MYO18A: variants seen among roughly 807,000 people sequenced by gnomAD.
MYO18A encodes the protein unconventional myosin-XVIIIa.
Under a neutral mutation model 235.8 loss-of-function variants are expected in MYO18A, and 78 were observed. The observed-to-expected ratio is 0.33, with a 90% CI of 0.28 to 0.40. The LOEUF (loss-of-function observed/expected upper bound fraction) is 0.40. MYO18A is among the 10% of genes least tolerant of loss of function. The probability of loss-of-function intolerance (pLI) is 1.00; values close to 1 mark genes in which losing one functional copy is unlikely to be tolerated. For missense variants in MYO18A, 2,215 were observed against 2,699.3 expected, an observed-to-expected ratio of 0.82 and a Z score of 3.98; for synonymous variants, 977 against 1,077.8, an observed-to-expected ratio of 0.91 and a Z score of 1.83.
At position 29,180,279 on chromosome 17, in the gene MYO18A, C is replaced by T. The variant is rs2068622170; in HGVS notation, c.-82+34G>A. ...CGCCGCCCCACCAAGCCGGGCCCGC[C>T]ACCGAGCGGCCGCCGCCGCCGACCG... On this transcript the variant is annotated intron_variant, in intron 1 of 41. Coordinates refer to ENST00000527372, the MANE Select transcript of MYO18A (RefSeq NM_078471.4). This position sits in a 1 kb window ranked among gnomAD's most constrained non-coding sequence, Gnocchi z 6.1. 1 of 150,390 alleles carries T rather than the reference C, an allele frequency of 6.6e-6. No individual in the cohort carries two copies. Among genetic ancestry groups the T allele is most frequent in the African/African-American group, 2.4e-5 (1 of 41,154 alleles). 9.3% of individuals were successfully genotyped at this position (150,390 alleles called of 1,614,324 possible).
At chr17:29,092,499 T>C (rs1479368283) in intron 33 of MYO18A, 43 bp from the exon 34 acceptor site, 1 of 1,505,522 alleles carries the variant, frequency 6.6e-7, no homozygotes, top group African/African-American at 1.4e-5. Context: ...ATGTCAGCCA[T>C]TCCTTGGGGG....
At chr17:29,083,465 A>G (rs1425007457) in intron 40 of MYO18A, among the ~76,000 whole-genome samples, 1 of 149,490 alleles carries the variant, frequency 6.7e-6, no homozygotes, top group African/African-American at 2.5e-5. Flanking sequence ...CTGTGTCAAG[A>G]GGAATGGCTC....
intron 2 of MYO18A, among the ~76,000 whole-genome samples, chr17:29,156,173 T>C (rs1411532830): frequency 6.6e-6 from 1 of 152,178 alleles, no homozygotes; most frequent in Non-Finnish European, 1.5e-5. Flanking sequence ...CATTCCAGTA[T>C]GAAGGCAGTT....
rs921065354 is a variant in MYO18A, at chr17:29,125,774, C to T, written c.1000-3521G>A. 4 of 326,814 alleles carry T rather than the reference C, an allele frequency of 1.2e-5. No homozygotes were observed. The highest frequency in any genetic ancestry group is 1.8e-5 in the Non-Finnish European group (4 of 226,930). 20.2% of individuals were successfully genotyped at this position (326,814 alleles called of 1,614,324 possible). On this transcript the variant is annotated intron_variant, in intron 2 of 41. Transcript: ENST00000527372. The surrounding 1 kb of genome is among the most constrained non-coding windows in gnomAD (Gnocchi z 5.1). ...AGAGAGAGCCCAACATGAGGGCCCACAGGCCGCCATGGAGCCATCTTCATG... is the reference window on the plus strand; with the variant it reads ...AGAGAGAGCCCAACATGAGGGCCCATAGGCCGCCATGGAGCCATCTTCATG...
intron 1 of MYO18A, among the ~76,000 whole-genome samples, chr17:29,175,006 T>C (rs772497176): frequency 5.9e-5 from 9 of 152,252 alleles, no homozygotes; most frequent in Non-Finnish European, 8.8e-5. Context: ...ATATATTACA[T>C]GTACGTTGTG....
intron 3 of MYO18A, 81 bp downstream of exon 3, chr17:29,122,085 C>T: frequency 6.5e-7 from 1 of 1,527,572 alleles, no homozygotes; most frequent in East Asian, 2.3e-5. Context: ...TCAGCCCTCA[C>T]CAGATGCAGA....
chr17:29,162,604 G>A (rs2068197461), intron 2 of MYO18A, among the ~76,000 whole-genome samples: 1 of 152,174 alleles, frequency 6.6e-6, no homozygotes, highest in African/African-American at 2.4e-5. Context: ...GCTTCTCAGA[G>A]GGTACTGTCA....
chr17:29,088,035 TG>T (rs1177856394), intron 37 of MYO18A, among the ~76,000 whole-genome samples: 2 of 146,980 alleles, frequency 1.4e-5, no homozygotes, highest in African/African-American at 5.0e-5. Flanking sequence ...GGGGTTGGGG[TG>T]GGCAGAAAAT....
intron 2 of MYO18A, among the ~76,000 whole-genome samples, chr17:29,134,671 C>T (rs565468815): frequency 6.6e-5 from 10 of 152,156 alleles, no homozygotes; most frequent in African/African-American, 2.4e-4. Flanking sequence ...TACAGGCGCC[C>T]GCTACCACGC....
Position 29,071,670 on chromosome 17 carries a change from G to T in MYO18A, c.*3100C>A, listed in dbSNP as rs1343714602. 1 of 152,346 alleles carries T rather than the reference G, an allele frequency of 6.6e-6. No individual in the cohort carries two copies. Among genetic ancestry groups the T allele is most frequent in the East Asian group, 1.9e-4 (1 of 5,180 alleles). 9.4% of individuals were successfully genotyped at this position (152,346 alleles called of 1,614,324 possible). A position where few individuals can be genotyped will look rare whatever the true frequency, so the allele number is the denominator to read the frequency against. On this transcript the variant is annotated 3_prime_UTR_variant, in exon 42 of 42. Coordinates refer to ENST00000527372, the MANE Select transcript of MYO18A (RefSeq NM_078471.4). ...CTTTCCCAATCCTCCCCGCCAAAGA[G>T]AGCATCTCCCTCCATAGTATGTCCA... is the stretch of plus-strand genomic sequence containing the variant.
rs748437898 is a variant in MYO18A at position 29,095,033 on chromosome 17, T to C, written c.4412A>G (p.His1471Arg). The C allele has an allele frequency of 1.0e-5, 16 of 1,566,636 alleles. No homozygotes were observed. In the East Asian group the frequency reaches 2.6e-4, roughly 25 times the overall value. Reference protein sequence around the residue: ...RRFDSELSQAHEEAQREKLQR... With the variant: ...RRFDSELSQAREEAQREKLQR... ...CAGCTTCTCCCGCTGGGCCTCCTCA[T>C]GCGCCTGCGAGAGCTCACTGTCAAA... Residue 1471 changes from histidine (H) to arginine (R), a missense_variant, in exon 29 of 42, where the codon CAT becomes CGT. His to Arg is a conservative substitution (Grantham distance 29). Transcript: ENST00000527372.
In MYO18A at chr17:29,106,896, G is replaced by A. The variant is rs1282033651; in HGVS notation, c.3441+184C>T. 6.6e-6 allele frequency among the ~76,000 whole-genome samples: 1 copy of A among 152,332 alleles called. No individual in the cohort carries two copies. The highest frequency in any genetic ancestry group is 2.1e-4 in the South Asian group (1 of 4,830). Reference sequence around the variant, plus strand: ...CACCCCCAGCTCAGGCCTCCAAGGAGGGGGTGGCTCTTCTCCAGCTCCTAT... The same window carrying A: ...CACCCCCAGCTCAGGCCTCCAAGGAAGGGGTGGCTCTTCTCCAGCTCCTAT... On this transcript the variant is annotated intron_variant, in intron 20 of 41. Transcript: ENST00000527372. The surrounding 1 kb of genome is among the most constrained non-coding windows in gnomAD (Gnocchi z 4.6).
chr17:29,094,187 C>T (rs914767553), intron 30 of MYO18A, 97 bp from the exon 31 acceptor site: 44 of 832,918 alleles, frequency 5.3e-5, no homozygotes, highest in South Asian at 3.0e-4. Flanking sequence ...GGGCCGAGAA[C>T]GTCCACCAGC....
intron 2 of MYO18A, among the ~76,000 whole-genome samples, chr17:29,154,595 T>A: frequency 6.6e-6 from 1 of 152,116 alleles, no homozygotes; most frequent in Admixed American, 6.5e-5. Flanking sequence ...CCCTCTTGCC[T>A]CTGTTGATCT....
At chr17:29,091,679 G>A (rs554734646) in intron 34 of MYO18A, 1 of 454,760 alleles carries the variant, frequency 2.2e-6, no homozygotes, top group Non-Finnish European at 4.4e-6. Flanking sequence ...TCAAGCCCGT[G>A]AGATTGGCAT....
Position 29,121,852 on chromosome 17 carries a change from T to A in MYO18A, c.1193A>T (p.Lys398Met). 1 of 1,607,842 alleles carries A rather than the reference T, an allele frequency of 6.2e-7. No individual in the cohort carries two copies. Among genetic ancestry groups the A allele is most frequent in the African/African-American group, 1.3e-5 (1 of 74,802 alleles). Residue 398 changes from lysine (K) to methionine (M), a missense_variant and splice_region_variant, in exon 4 of 42, where the codon AAG becomes ATG. By Grantham distance (95) the Lys-to-Met change is moderately conservative. Transcript: ENST00000527372. The surrounding 1 kb of genome is among the most constrained non-coding windows in gnomAD (Gnocchi z 4.2). ...ILDVDEDDVEKANAPSCDRLE... is the reference protein window; with the variant it reads ...ILDVDEDDVEMANAPSCDRLE... ...ACACCCAGCCCCCTGCCCACCTACC[T>A]TCTCAACGTCATCCTCATCCACATC...
intron 2 of MYO18A, among the ~76,000 whole-genome samples, chr17:29,157,447 G>A (rs1004265714): frequency 2.6e-5 from 4 of 152,210 alleles, no homozygotes; most frequent in Non-Finnish European, 5.9e-5. Flanking sequence ...GAAGGTCTGA[G>A]CTAGGCAGTG....
intron 2 of MYO18A, chr17:29,165,651 G>C: frequency 2.6e-6 from 1 of 385,536 alleles, no homozygotes. Context: ...TCAGCTCCCA[G>C]ACAAGGTTGA....
At chr17:29,093,503 TC>T in intron 31 of MYO18A, 76 bp from the exon 32 acceptor site, 1 of 1,145,444 alleles carries the variant, frequency 8.7e-7, no homozygotes, top group Non-Finnish European at 1.3e-6. Context: ...CATTCTGGGT[TC>T]CCCACTCCAG....
Sources: gnomAD v4.1 joint callset for allele counts (sites outside exome capture counted in the v4.1 genomes callset) on GRCh38, gnomAD v4.1.1 for gene constraint, Gnocchi (gnomAD v3.1) non-coding constraint, MANE v1.5 for transcripts, NCBI Gene and HGNC (gene_info 2026-07-23, HGNC 2026-07-21) for gene names.